The following PDE10A variants were observed in gnomAD, a reference collection of about 807,000 sequenced individuals.
PDE10A encodes the protein cAMP and cAMP-inhibited cGMP 3',5'-cyclic phosphodiesterase 10A.
A neutral mutation model predicts 97.7 loss-of-function variants in PDE10A; 39 were observed. That is an observed-to-expected ratio of 0.40 (90% CI 0.31 to 0.52). The LOEUF (loss-of-function observed/expected upper bound fraction) is 0.52. Among genes scored for constraint, PDE10A ranks in the 20% least tolerant of loss-of-function variants. PDE10A has a pLI of 0.56. For missense variants in PDE10A, 731 were observed against 1,047.8 expected (o/e 0.70, Z 4.17); for synonymous variants, 371 against 376.8 (o/e 0.98, Z 0.18).
chr6:165,473,868 A>G (rs1026487392), intron 3 of PDE10A, among the ~76,000 whole-genome samples: 1 of 152,252 alleles, frequency 6.6e-6, no homozygotes, highest in Non-Finnish European at 1.5e-5. Flanking sequence ...TGCTTGTATA[A>G]TAATTATCTG....
chr6:165,692,735 A>G (rs1239208059), intron 1 of PDE10A, among the ~76,000 whole-genome samples: 1 of 152,110 alleles, frequency 6.6e-6, no homozygotes, highest in Non-Finnish European at 1.5e-5. Context: ...TAGGGAGAAA[A>G]TGTGTATTTA....
chr6:165,815,632 G>A (rs1432789486), intron 1 of PDE10A, among the ~76,000 whole-genome samples: 1 of 152,180 alleles, frequency 6.6e-6, no homozygotes, highest in Admixed American at 6.5e-5. Flanking sequence ...CTGAAAGACG[G>A]TGCTGAGGTC....
At chr6:165,378,451 C>T (rs1266571279) in intron 18 of PDE10A, among the ~76,000 whole-genome samples, 1 of 152,142 alleles carries the variant, frequency 6.6e-6, no homozygotes, top group Non-Finnish European at 1.5e-5. Context: ...GCTAGTGTTA[C>T]CACTACAAAT....
chr6:165,784,038 T>A (rs1215868832), intron 1 of PDE10A, among the ~76,000 whole-genome samples: 1 of 151,960 alleles, frequency 6.6e-6, no homozygotes. Flanking sequence ...GCCATCATGG[T>A]GAAACCCTGT....
Position 165,418,819 on chromosome 6 carries a change from T to A in PDE10A, c.1654-42A>T. On this transcript the variant is annotated intron_variant, in intron 10 of 21. Transcript: ENST00000539869. This position sits in a 1 kb window ranked among gnomAD's most constrained non-coding sequence, Gnocchi z 4.8. ...AAATAAGAGGAAGACAATGAGACATTCAAAGAACTTGCAGGTAAACTTTAT... is the reference window on the plus strand; with the variant it reads ...AAATAAGAGGAAGACAATGAGACATACAAAGAACTTGCAGGTAAACTTTAT... 1.3e-6 allele frequency: 2 copies of A among 1,543,038 alleles called. No homozygotes were observed. Among genetic ancestry groups the A allele is most frequent in the Non-Finnish European group, 1.8e-6 (2 of 1,123,204 alleles).
At chr6:165,562,524 A>G (rs1784568231) in intron 1 of PDE10A, among the ~76,000 whole-genome samples, 1 of 152,182 alleles carries the variant, frequency 6.6e-6, no homozygotes, top group Non-Finnish European at 1.5e-5. Flanking sequence ...ATTCTTCAAG[A>G]CATGTTTGAT....
Position 165,449,056 on chromosome 6 carries a change from C to A in PDE10A, c.1145-79G>T. 8.5e-6 allele frequency: 8 copies of A among 944,898 alleles called. No homozygotes were observed. In the South Asian group the frequency reaches 9.5e-5, roughly 11 times the overall value. 58.5% of individuals were successfully genotyped at this position (944,898 alleles called of 1,614,324 possible). On this transcript the variant is annotated intron_variant, in intron 4 of 21. Coordinates refer to ENST00000539869, the MANE Select transcript of PDE10A (RefSeq NM_001385079.1). ...TGTATGCATCCTCCAGGGTGAGAGG[C>A]AGATGTGAGTCTTTCAAATTGATTT...
intron 1 of PDE10A, among the ~76,000 whole-genome samples, chr6:165,761,117 G>T (rs887207894): frequency 6.6e-6 from 1 of 152,150 alleles, no homozygotes; most frequent in Non-Finnish European, 1.5e-5. Flanking sequence ...TGGGAAACCC[G>T]CTAGCAGGAC....
intron 12 of PDE10A, among the ~76,000 whole-genome samples, chr6:165,414,316 T>G (rs1788150186): frequency 6.6e-6 from 1 of 152,214 alleles, no homozygotes; most frequent in Admixed American, 6.5e-5. Context: ...ATATGATCCT[T>G]AATAGAAAAG....
intron 1 of PDE10A, among the ~76,000 whole-genome samples, chr6:165,761,505 T>C (rs1262109846): frequency 6.6e-6 from 1 of 152,304 alleles, no homozygotes; most frequent in East Asian, 1.9e-4. Flanking sequence ...CATTTTTCAA[T>C]TTTCCTTCAT....
intron 18 of PDE10A, among the ~76,000 whole-genome samples, chr6:165,351,760 C>A (rs528659627): frequency 6.6e-6 from 1 of 152,338 alleles, no homozygotes; most frequent in South Asian, 2.1e-4. Context: ...TTTAGCTCAA[C>A]ATGTGTTAGC....
chr6:165,472,164 T>C (rs574598682), intron 3 of PDE10A, among the ~76,000 whole-genome samples: 109 of 152,226 alleles, frequency 7.2e-4, no homozygotes, highest in African/African-American at 2.5e-3. Flanking sequence ...TTTTCAGTTT[T>C]TTCACTATAG....
At chr6:165,592,474 T>C (rs1340379856) in intron 1 of PDE10A, among the ~76,000 whole-genome samples, 1 of 152,002 alleles carries the variant, frequency 6.6e-6, no homozygotes, top group Non-Finnish European at 1.5e-5. Flanking sequence ...ACTAAAGAGC[T>C]TCTGCTCAGC....
chr6:165,361,847 T>C (rs1783447904), intron 18 of PDE10A, among the ~76,000 whole-genome samples: 2 of 152,190 alleles, frequency 1.3e-5, no homozygotes, highest in African/African-American at 2.4e-5. Flanking sequence ...CTTCTGGCCT[T>C]AAGAATTGTG....
At position 165,856,380 on chromosome 6, in the gene PDE10A, C is replaced by G. The variant is rs138591313; in HGVS notation, c.-615+131149G>C. ...GTAGAAGGTCCTCCCTGGCACGGAG[C>G]TGCATCTGTCTCCATTAGCATTTAA... is the stretch of plus-strand genomic sequence containing the variant. On this transcript the variant is annotated intron_variant, in intron 1 of 19. Coordinates refer to the PDE10A transcript ENST00000366882. 4.8e-3 allele frequency among the ~76,000 whole-genome samples: 735 copies of G among 152,310 alleles called. 7 individuals are homozygous for G. The highest frequency in any genetic ancestry group is 0.037 in the Middle Eastern group (11 of 294).
rs1784214048 is a variant in PDE10A, at chr6:165,958,497, ACAAG to A, written c.-615+29028_-615+29031del. Among the ~76,000 whole-genome samples the A allele has an allele frequency of 4.1e-5, 5 of 122,378 alleles. No individual in the cohort carries two copies. In the East Asian group the frequency reaches 9.3e-4, roughly 23 times the overall value. 80.3% of individuals were successfully genotyped at this position (122,378 alleles called of 152,430 possible). On this transcript the variant is annotated intron_variant, in intron 1 of 19. Transcript: ENST00000366882. ...GAAAGAAAGAGAGAAAGAGAGAAAGACAAGAAAGAAAGAAAGAAAGAAAGAAAGA... is the reference window on the plus strand; with the variant it reads ...GAAAGAAAGAGAGAAAGAGAGAAAGAAAAGAAAGAAAGAAAGAAAGAAAGA...
chr6:165,641,012 C>T (rs887030032), intron 1 of PDE10A, among the ~76,000 whole-genome samples: 13 of 152,114 alleles, frequency 8.5e-5, no homozygotes, highest in African/African-American at 2.7e-4. Context: ...AGCACTTGGC[C>T]GTGGCCAGCC....
intron 13 of PDE10A, among the ~76,000 whole-genome samples, chr6:165,411,070 G>A (rs1342719434): frequency 2.2e-5 from 2 of 90,118 alleles, no homozygotes; most frequent in African/African-American, 5.5e-5. Context: ...CTGGGCAACA[G>A]AGCGAGACTC....
chr6:165,566,576 C>T (rs1413623391), intron 1 of PDE10A, among the ~76,000 whole-genome samples: 4 of 152,112 alleles, frequency 2.6e-5, no homozygotes, highest in African/African-American at 9.7e-5. Flanking sequence ...CAGGAAATCT[C>T]CAAGTAACTC....
Sources: gnomAD v4.1 joint callset for allele counts (sites outside exome capture counted in the v4.1 genomes callset) on GRCh38, gnomAD v4.1.1 for gene constraint, Gnocchi (gnomAD v3.1) non-coding constraint, MANE v1.5 for transcripts, NCBI Gene and HGNC (gene_info 2026-07-23, HGNC 2026-07-21) for gene names.